The following LMO7 variants were observed in gnomAD, a reference collection of about 807,000 sequenced individuals.
LMO7 encodes LIM domain 7, also known as LIM domain only protein 7.
Under a neutral mutation model 206.5 loss-of-function variants are expected in LMO7, and 120 were observed. The observed-to-expected ratio is 0.58, with a 90% CI of 0.50 to 0.68. LMO7 has a LOEUF of 0.68. Ranked by LOEUF, LMO7 falls within the 30% of genes least tolerant of loss-of-function variation. The pLI, the probability that LMO7 is intolerant of heterozygous loss-of-function variation, is 0.00. For missense variants in LMO7, 1,959 were observed against 1,957.9 expected (o/e 1.00, Z -0.01); for synonymous variants, 706 against 681.5 (o/e 1.04, Z -0.56).
intron 11 of LMO7, among the ~76,000 whole-genome samples, chr13:75,810,429 G>A (rs1484017909): frequency 2.0e-5 from 3 of 152,160 alleles, no homozygotes; most frequent in African/African-American, 7.2e-5. Context: ...TGCCAAAGGT[G>A]TAACTGAGCC....
chr13:75,708,854 A>T (rs955054024), intron 1 of LMO7, among the ~76,000 whole-genome samples: 5 of 151,902 alleles, frequency 3.3e-5, no homozygotes. Context: ...CGTGCAGGTT[A>T]GTTACATATG....
At chr13:75,751,188 C>T (rs1594736377) in intron 3 of LMO7, among the ~76,000 whole-genome samples, 2 of 99,074 alleles carry the variant, frequency 2.0e-5, no homozygotes, top group African/African-American at 4.2e-5. Flanking sequence ...TGAGACAGAG[C>T]CTCGCTCTGT....
intron 4 of LMO7, 137 bp downstream of exon 4, chr13:75,761,175 TAA>T (rs1427876456): frequency 3.3e-6 from 2 of 599,502 alleles, no homozygotes; most frequent in East Asian, 5.5e-5. Context: ...GTTCTCATTC[TAA>T]AAGAGACTGT....
chr13:75,635,654 G>A (rs2035697983), upstream of LMO7, among the ~76,000 whole-genome samples: 1 of 152,304 alleles, frequency 6.6e-6, no homozygotes, highest in East Asian at 1.9e-4. Context: ...GCCGCGAGCC[G>A]GGGTGGAGGG....
chr13:75,647,715 T>C (rs572005596), intron 1 of LMO7, among the ~76,000 whole-genome samples: 9 of 152,124 alleles, frequency 5.9e-5, no homozygotes, highest in African/African-American at 2.2e-4. Context: ...ATAGAAACTT[T>C]ATTGAGAACA....
intron 11 of LMO7, among the ~76,000 whole-genome samples, chr13:75,812,781 G>GA (rs1261264321): frequency 6.6e-6 from 1 of 150,898 alleles, no homozygotes; most frequent in Non-Finnish European, 1.5e-5. Flanking sequence ...GTATTTTTTG[G>GA]AAAAAATCCA....
chr13:75,844,798 A>C (rs1159139948), intron 25 of LMO7, among the ~76,000 whole-genome samples: 1 of 152,202 alleles, frequency 6.6e-6, no homozygotes, highest in East Asian at 1.9e-4. Context: ...TTATTGGTAC[A>C]AACTTAAGGC....
At chr13:75,661,664 G>A (rs1594123996) in intron 1 of LMO7, among the ~76,000 whole-genome samples, 1 of 152,226 alleles carries the variant, frequency 6.6e-6, no homozygotes, top group East Asian at 1.9e-4. Flanking sequence ...GCACACAGGA[G>A]GCGTGGAAAA....
At chr13:75,843,842 A>G (rs1222080777) in intron 25 of LMO7, among the ~76,000 whole-genome samples, 1 of 152,184 alleles carries the variant, frequency 6.6e-6, no homozygotes, top group Non-Finnish European at 1.5e-5. Flanking sequence ...CTTATTAGAT[A>G]TAAGGAAAGA....
At chr13:75,746,189 A>G (rs534754178) in intron 3 of LMO7, among the ~76,000 whole-genome samples, 23 of 152,276 alleles carry the variant, frequency 1.5e-4, no homozygotes, top group African/African-American at 5.1e-4. Flanking sequence ...AATATGAGAC[A>G]GAAGGTTGGT....
chr13:75,659,984 G>A (rs749081052), intron 1 of LMO7, among the ~76,000 whole-genome samples: 199 of 152,234 alleles, frequency 1.3e-3, no homozygotes, highest in Non-Finnish European at 2.5e-3. Context: ...TTTCAGGGGA[G>A]TACAGATCAA....
At chr13:75,722,805 G>A (rs2044136417) in intron 2 of LMO7, among the ~76,000 whole-genome samples, 1 of 152,148 alleles carries the variant, frequency 6.6e-6, no homozygotes, top group Admixed American at 6.5e-5. Context: ...AAAATGTGGT[G>A]TATATATGCA....
rs889887191 is a variant in LMO7, at chr13:75,787,295, GAA to G, written c.318-8105_318-8104del. On this transcript the variant is annotated intron_variant, in intron 4 of 30. Transcript: ENST00000377534. ...CAAGCATTTTACAAAAAGTAGAAAAGAAGCATTATAAGTCTCTGGTTGAGAGG... is the reference window on the plus strand; with the variant it reads ...CAAGCATTTTACAAAAAGTAGAAAAGGCATTATAAGTCTCTGGTTGAGAGG... Among the ~76,000 whole-genome samples the G allele has an allele frequency of 3.7e-4, 57 of 152,340 alleles. 1 individual carries two copies. Among genetic ancestry groups the G allele is most frequent in the African/African-American group, 1.3e-3 (53 of 41,590 alleles).
upstream of LMO7, among the ~76,000 whole-genome samples, chr13:75,632,862 G>GTTT (rs10690832): frequency 5.8e-3 from 590 of 102,132 alleles, 86 homozygotes; most frequent in African/African-American, 0.016. Context: ...TTACTTAAAA[G>GTTT]TTTTTTTTTT....
intron 1 of LMO7, among the ~76,000 whole-genome samples, chr13:75,705,460 A>G (rs1336634407): frequency 6.6e-6 from 1 of 152,182 alleles, no homozygotes; most frequent in East Asian, 1.9e-4. Context: ...AAAATAAGGA[A>G]AGGGGCAAAC....
intron 3 of LMO7, among the ~76,000 whole-genome samples, chr13:75,737,842 C>CAAAAAAAAAAAAAAA: frequency 2.6e-5 from 1 of 37,740 alleles, no homozygotes; most frequent in Non-Finnish European, 4.4e-5. Flanking sequence ...AGGAAGCTGC[C>CAAAAAAAAAAAAAAA]AAAAAAAAAA....
chr13:75,788,715 A>C (rs1447343148), intron 4 of LMO7: 1 of 152,124 alleles, frequency 6.6e-6, no homozygotes, highest in Admixed American at 6.6e-5. Context: ...AGCAGAGATT[A>C]CTTAGTGGCT....
chr13:75,822,028 T>C (rs544301054), intron 14 of LMO7, among the ~76,000 whole-genome samples: 1 of 152,330 alleles, frequency 6.6e-6, no homozygotes, highest in African/African-American at 2.4e-5. Context: ...CATTTCTGCT[T>C]TTTTCAGATT....
At chr13:75,645,621 G>A (rs1439200358) in intron 1 of LMO7, among the ~76,000 whole-genome samples, 1 of 152,124 alleles carries the variant, frequency 6.6e-6, no homozygotes, top group Non-Finnish European at 1.5e-5. Context: ...ATGAAGAAGG[G>A]GACAATAAGC....
Sources: gnomAD v4.1 joint callset for allele counts (sites outside exome capture counted in the v4.1 genomes callset) on GRCh38, gnomAD v4.1.1 for gene constraint, MANE v1.5 for transcripts, NCBI Gene and HGNC (gene_info 2026-07-23, HGNC 2026-07-21) for gene names.